The following FXN variants were observed in gnomAD, a reference collection of about 807,000 sequenced individuals.
FXN encodes frataxin, mitochondrial.
In FXN, 14 loss-of-function variants were observed where a neutral mutation model predicts 22.4. That is an observed-to-expected ratio of 0.62 (90% CI 0.41 to 0.98). FXN has a LOEUF of 0.98. FXN is among the 50% of genes least tolerant of loss of function. FXN has a pLI of 0.00. For synonymous variants in FXN, 120 were observed against 114.1 expected, an observed-to-expected ratio of 1.05 and a Z score of -0.33; for missense variants, 267 against 268.4, an observed-to-expected ratio of 0.99 and a Z score of 0.04.
intron 3 of FXN, among the ~76,000 whole-genome samples, chr9:69,060,134 C>T (rs1194112047): frequency 1.3e-5 from 2 of 152,020 alleles, no homozygotes; most frequent in African/African-American, 4.8e-5. Context: ...TTTGGGAGGC[C>T]AAGGCGGGCG....
intron 3 of FXN, among the ~76,000 whole-genome samples, chr9:69,062,780 G>A (rs1832099700): frequency 6.6e-6 from 1 of 151,974 alleles, no homozygotes; most frequent in South Asian, 2.1e-4. Context: ...GTTACAAGGT[G>A]AAAAGTTCTA....
At chr9:69,042,723 G>A (rs1389642268) in intron 1 of FXN, among the ~76,000 whole-genome samples, 1 of 152,134 alleles carries the variant, frequency 6.6e-6, no homozygotes, top group East Asian at 1.9e-4. Context: ...AACAGCTATT[G>A]TGAAGGTATC....
At position 69,077,658 on chromosome 9, in the gene FXN, G is replaced by A. The variant is rs189899104; in HGVS notation, c.*4896G>A. 517 of 985,134 alleles carry A rather than the reference G, an allele frequency of 5.2e-4. No individual in the cohort carries two copies. The African/African-American group carries it at 8.1e-3, about 15-fold the overall frequency. The allele number at this position is 985,134 out of a possible 1,614,324, so 61.0% of individuals were successfully genotyped here. A position where few individuals can be genotyped will look rare whatever the true frequency, so the allele number is the denominator to read the frequency against. ...AATTGTTTAGCTCCTGGCCAGACACGGTGGCTCACACCTGTAATCCCAGCA... is the reference window on the plus strand; with the variant it reads ...AATTGTTTAGCTCCTGGCCAGACACAGTGGCTCACACCTGTAATCCCAGCA... On this transcript the variant is annotated 3_prime_UTR_variant, in exon 5 of 5. Transcript: ENST00000484259.
At chr9:69,038,414 A>G (rs1270784878) in intron 1 of FXN, among the ~76,000 whole-genome samples, 1 of 152,220 alleles carries the variant, frequency 6.6e-6, no homozygotes, top group Non-Finnish European at 1.5e-5. Flanking sequence ...AATGGGAGCC[A>G]CACACATAAT....
chr9:69,077,820 C>T lies in FXN; in HGVS notation c.*5058C>T, dbSNP rs1382181754. 3.2e-6 allele frequency: 2 copies of T among 621,926 alleles called. No homozygotes were observed. Among genetic ancestry groups the T allele is most frequent in the African/African-American group, 2.0e-5 (1 of 49,820 alleles). 38.5% of individuals were successfully genotyped at this position (621,926 alleles called of 1,614,324 possible). A position where few individuals can be genotyped will look rare whatever the true frequency, so the allele number is the denominator to read the frequency against. The stretch of plus-strand genomic sequence containing the variant: ...TGGCGCACGCCTGTTATCCCAGCTA[C>T]TCGGGAGGCTGAGGCAGGAGAATTG... On this transcript the variant is annotated 3_prime_UTR_variant, in exon 5 of 5. Transcript: ENST00000484259.
In FXN at chr9:69,074,834, T is replaced by C. The variant is rs1184835385; in HGVS notation, c.*2072T>C. The C allele has an allele frequency of 5.1e-6, 5 of 977,476 alleles. No homozygotes were observed. The highest frequency in any genetic ancestry group is 6.1e-6 in the Non-Finnish European group (5 of 822,818). The allele number at this position is 977,476 out of a possible 1,614,324, so 60.6% of individuals were successfully genotyped here. On this transcript the variant is annotated 3_prime_UTR_variant, in exon 5 of 5. Coordinates refer to ENST00000484259, the MANE Select transcript of FXN (RefSeq NM_000144.5). The stretch of plus-strand genomic sequence containing the variant: ...AAATAAAATTATTTTTTGAGTCTGA[T>C]GGAAATGTTTAAGTGCAGTAGGCCA...
chr9:69,065,115 T>C, intron 4 of FXN, 80 bp downstream of exon 4: 6 of 1,152,800 alleles, frequency 5.2e-6, no homozygotes, highest in Non-Finnish European at 7.8e-6. Context: ...ATTTAAGAAA[T>C]GTCGGCTGAG....
chr9:69,060,144 G>A (rs1012637501), intron 3 of FXN, among the ~76,000 whole-genome samples: 3 of 152,230 alleles, frequency 2.0e-5, no homozygotes, highest in Non-Finnish European at 4.4e-5. Context: ...CAAGGCGGGC[G>A]GATCACGAGG....
At chr9:69,069,233 C>T (rs1348060483) in intron 4 of FXN, among the ~76,000 whole-genome samples, 1 of 152,190 alleles carries the variant, frequency 6.6e-6, no homozygotes. Flanking sequence ...GGCATGGTGG[C>T]AGGCACCTGT....
Position 69,074,307 on chromosome 9 carries a change from C to T in FXN, c.*1545C>T, listed in dbSNP as rs1223035478. 8.2e-5 allele frequency: 81 copies of T among 985,172 alleles called. No homozygotes were observed. Among genetic ancestry groups the T allele is most frequent in the Non-Finnish European group, 9.4e-5 (78 of 829,852 alleles). 61.0% of individuals were successfully genotyped at this position (985,172 alleles called of 1,614,324 possible). On this transcript the variant is annotated 3_prime_UTR_variant, in exon 5 of 5. Coordinates refer to ENST00000484259, the MANE Select transcript of FXN (RefSeq NM_000144.5). Reference sequence around the variant, plus strand: ...CTGACCTGCACTTTATACAAAGCAACAAGCCTCCAGGACATTAAAATTCAT... The same window carrying T: ...CTGACCTGCACTTTATACAAAGCAATAAGCCTCCAGGACATTAAAATTCAT...
chr9:69,063,738 T>C (rs532720265), intron 3 of FXN, among the ~76,000 whole-genome samples: 1 of 152,276 alleles, frequency 6.6e-6, no homozygotes, highest in South Asian at 2.1e-4. Flanking sequence ...GTCTGGTGTG[T>C]AGTGGTGTGA....
chr9:69,042,163 G>C (rs1442432975), intron 1 of FXN, among the ~76,000 whole-genome samples: 2 of 151,888 alleles, frequency 1.3e-5, no homozygotes, highest in African/African-American at 4.8e-5. Flanking sequence ...ACTTGAACCC[G>C]GGAGGCGGAG....
At chr9:69,038,884 C>G (rs1333304048) in intron 1 of FXN, among the ~76,000 whole-genome samples, 2 of 152,210 alleles carry the variant, frequency 1.3e-5, no homozygotes, top group Non-Finnish European at 2.9e-5. Context: ...AGTAAATGCT[C>G]TATCTGTATT....
At chr9:69,059,843 A>G (rs912597247) in intron 3 of FXN, among the ~76,000 whole-genome samples, 1 of 152,202 alleles carries the variant, frequency 6.6e-6, no homozygotes. Context: ...GATGAGTGAC[A>G]TTAACCTCCT....
chr9:69,060,352 C>G (rs1832047454), intron 3 of FXN, among the ~76,000 whole-genome samples: 1 of 149,394 alleles, frequency 6.7e-6, no homozygotes, highest in Non-Finnish European at 1.5e-5. Context: ...GCCTGGGTGA[C>G]AGAGCGAGAC....
At chr9:69,069,587 A>G (rs1409800001) in intron 4 of FXN, among the ~76,000 whole-genome samples, 5 of 152,228 alleles carry the variant, frequency 3.3e-5, no homozygotes, top group Non-Finnish European at 7.3e-5. Context: ...GGAACAGGGA[A>G]ACCAGACATG....
rs539280938 is a variant in FXN, at chr9:69,062,594, GAAGTAGTCAA to G, written c.385-2331_385-2322del. 6.7e-4 allele frequency among the ~76,000 whole-genome samples: 102 copies of G among 152,224 alleles called. 1 individual carries two copies. Among genetic ancestry groups the G allele is most frequent in the African/African-American group, 1.9e-3 (78 of 41,534 alleles). On this transcript the variant is annotated intron_variant, in intron 3 of 4. Transcript: ENST00000484259. ...GACAAATACTTATGATTCCACTGAT[GAAGTAGTCAA>G]AAGTAGTCAAAAATCACAGAAACAC...
intron 2 of FXN, among the ~76,000 whole-genome samples, chr9:69,048,914 A>G (rs1831805414): frequency 6.6e-6 from 1 of 152,184 alleles, no homozygotes. Flanking sequence ...TGACTTTGCC[A>G]CAGTCTCAAA....
At chr9:69,068,411 T>G (rs1832214155) in intron 4 of FXN, among the ~76,000 whole-genome samples, 1 of 152,128 alleles carries the variant, frequency 6.6e-6, no homozygotes, top group African/African-American at 2.4e-5. Context: ...GATGGGCCCT[T>G]GTTTTTGTTT....
Sources: gnomAD v4.1 joint callset for allele counts (sites outside exome capture counted in the v4.1 genomes callset) on GRCh38, gnomAD v4.1.1 for gene constraint, MANE v1.5 for transcripts, NCBI Gene and HGNC (gene_info 2026-07-23, HGNC 2026-07-21) for gene names.